The following VRK2 variants were observed in gnomAD, a reference collection of about 807,000 sequenced individuals.
VRK2 encodes the protein serine/threonine-protein kinase VRK2.
Under a neutral mutation model 57.6 loss-of-function variants are expected in VRK2, and 60 were observed. That is an observed-to-expected ratio of 1.04 (90% confidence interval 0.85 to 1.29). VRK2 has a LOEUF of 1.29. Among genes scored for constraint, VRK2 ranks in the 50% most tolerant of loss-of-function variants. The probability of loss-of-function intolerance (pLI) is 0.00; values close to 1 mark genes in which losing one functional copy is unlikely to be tolerated. For missense variants in VRK2, 705 were observed against 588.1 expected, an observed-to-expected ratio of 1.20 and a Z score of -2.06; for synonymous variants, 231 against 199.2, an observed-to-expected ratio of 1.16 and a Z score of -1.35.
At chr2:58,118,198 G>GA (rs1338104574) in intron 7 of VRK2, among the ~76,000 whole-genome samples, 1 of 152,190 alleles carries the variant, frequency 6.6e-6, no homozygotes, top group Non-Finnish European at 1.5e-5. Flanking sequence ...GAGACAAGGA[G>GA]AGAAGGGGTT....
At chr2:58,058,834 C>T (rs890728404) in intron 2 of VRK2, among the ~76,000 whole-genome samples, 2 of 152,028 alleles carry the variant, frequency 1.3e-5, no homozygotes, top group East Asian at 1.9e-4. Flanking sequence ...TAAATTACCT[C>T]CTGGCCACAA....
At chr2:58,131,742 A>C (rs1195506604) in intron 8 of VRK2, 66 bp from the exon 9 acceptor site, 1 of 1,488,984 alleles carries the variant, frequency 6.7e-7, no homozygotes, top group Admixed American at 2.5e-5. Context: ...AGTTCAACCA[A>C]AGATTTCTCC....
At chr2:58,102,954 A>G (rs1374881229) in intron 7 of VRK2, among the ~76,000 whole-genome samples, 1 of 151,754 alleles carries the variant, frequency 6.6e-6, no homozygotes, top group Non-Finnish European at 1.5e-5. Flanking sequence ...ATACAAATAC[A>G]TGGAAATTAA....
intron 7 of VRK2, among the ~76,000 whole-genome samples, chr2:58,090,190 G>GT (rs1233248043): frequency 6.6e-6 from 1 of 152,134 alleles, no homozygotes; most frequent in Admixed American, 6.5e-5. Flanking sequence ...GAGGACAGGA[G>GT]TTTGAGACCA....
intron 1 of VRK2, among the ~76,000 whole-genome samples, chr2:57,990,950 G>C (rs948184713): frequency 6.6e-6 from 1 of 151,774 alleles, no homozygotes; most frequent in South Asian, 2.1e-4. Flanking sequence ...GAAGAGTTGG[G>C]AATAGGAATT....
At chr2:58,112,125 A>G (rs1675661715) in intron 7 of VRK2, among the ~76,000 whole-genome samples, 1 of 152,184 alleles carries the variant, frequency 6.6e-6, no homozygotes, top group South Asian at 2.1e-4. Flanking sequence ...ATTTTTGAAA[A>G]AAGAGAATGG....
chr2:58,082,878 TA>T (rs1036970196), intron 2 of VRK2, among the ~76,000 whole-genome samples: 23 of 151,912 alleles, frequency 1.5e-4, no homozygotes, highest in South Asian at 8.3e-4. Context: ...GGAGAATGGT[TA>T]AAAAATTGTG....
At chr2:57,911,486 C>G (rs1229807829) in intron 1 of VRK2, among the ~76,000 whole-genome samples, 1 of 152,122 alleles carries the variant, frequency 6.6e-6, no homozygotes, top group African/African-American at 2.4e-5. Context: ...CAACCCACAC[C>G]CATTGTAAGG....
At chr2:58,150,143 C>G (rs1682780871) in intron 12 of VRK2, among the ~76,000 whole-genome samples, 1 of 151,050 alleles carries the variant, frequency 6.6e-6, no homozygotes, top group Non-Finnish European at 1.5e-5. Context: ...ATGAATTATA[C>G]CAGTTGGAAG....
chr2:57,939,034 G>A (rs1009308027), intron 1 of VRK2, among the ~76,000 whole-genome samples: 5 of 152,132 alleles, frequency 3.3e-5, no homozygotes, highest in Non-Finnish European at 7.4e-5. Flanking sequence ...CAATAGTGAA[G>A]CCTGAAACTA....
chr2:57,946,977 A>G (rs1671281511), intron 1 of VRK2, among the ~76,000 whole-genome samples: 1 of 151,872 alleles, frequency 6.6e-6, no homozygotes, highest in Non-Finnish European at 1.5e-5. Flanking sequence ...AGATATGCCA[A>G]AAAAAATTTT....
At chr2:57,944,102 C>A (rs1217897093) in intron 1 of VRK2, among the ~76,000 whole-genome samples, 1 of 152,154 alleles carries the variant, frequency 6.6e-6, no homozygotes, top group Non-Finnish European at 1.5e-5. Flanking sequence ...CCTTTATGAG[C>A]TTGAACAAAA....
At chr2:58,101,193 C>G (rs1214249280) in intron 7 of VRK2, among the ~76,000 whole-genome samples, 1 of 151,588 alleles carries the variant, frequency 6.6e-6, no homozygotes, top group Non-Finnish European at 1.5e-5. Context: ...GATTCCAAGG[C>G]AAGTAAGAAG....
At chr2:58,104,592 A>G (rs1167052249) in intron 7 of VRK2, among the ~76,000 whole-genome samples, 1 of 151,974 alleles carries the variant, frequency 6.6e-6, no homozygotes, top group African/African-American at 2.4e-5. Context: ...AAAACATTCC[A>G]TGCTTATAGA....
intron 6 of VRK2, among the ~76,000 whole-genome samples, chr2:58,089,255 C>T (rs1005376330): frequency 2.0e-5 from 3 of 152,104 alleles, no homozygotes; most frequent in Non-Finnish European, 4.4e-5. Flanking sequence ...ATAATTATTG[C>T]TTAGGTGAGG....
At chr2:57,953,721 A>C (rs948241891) in intron 1 of VRK2, among the ~76,000 whole-genome samples, 1 of 152,144 alleles carries the variant, frequency 6.6e-6, no homozygotes, top group Non-Finnish European at 1.5e-5. Context: ...TGGCCACGCT[A>C]TCAGAGGAAG....
At chr2:57,915,623 A>G (rs1306765156) in intron 1 of VRK2, among the ~76,000 whole-genome samples, 1 of 152,222 alleles carries the variant, frequency 6.6e-6, no homozygotes, top group Non-Finnish European at 1.5e-5. Flanking sequence ...CATGAACAAG[A>G]GGAAATTCCA....
chr2:58,090,539 G>A (rs559958250), intron 7 of VRK2, among the ~76,000 whole-genome samples: 2 of 152,042 alleles, frequency 1.3e-5, no homozygotes, highest in Admixed American at 1.3e-4. Context: ...GGTCAGTACA[G>A]TACCAACTGC....
intron 10 of VRK2, 147 bp downstream of exon 10, chr2:58,135,346 C>G: frequency 1.4e-6 from 1 of 737,696 alleles, no homozygotes; most frequent in Non-Finnish European, 2.2e-6. Context: ...AAATAAGTTG[C>G]TAAAGAACAC....
Sources: allele counts gnomAD v4.1 joint callset (sites outside exome capture counted in the v4.1 genomes callset), GRCh38; gene constraint gnomAD v4.1.1; transcripts MANE v1.5; gene names NCBI Gene and HGNC (gene_info 2026-07-23, HGNC 2026-07-21).